Variants in MLLT10 observed in about 807,000 individuals in gnomAD.
MLLT10 encodes MLLT10 histone lysine methyltransferase DOT1L cofactor.
A neutral mutation model predicts 129.1 loss-of-function variants in MLLT10; 30 were observed. The ratio of observed to expected loss-of-function variants is 0.23; its 90% CI spans 0.17 to 0.32. The LOEUF (loss-of-function observed/expected upper bound fraction) is 0.32, where lower values mean the gene tolerates loss of function less well. Ranked by LOEUF, MLLT10 falls within the 10% of genes least tolerant of loss-of-function variation. MLLT10 has a pLI of 1.00. For synonymous variants in MLLT10, 490 were observed against 446.4 expected (o/e 1.10, Z -1.23); for missense variants, 1,119 against 1,268.3 (o/e 0.88, Z 1.79).
chr10:21,634,056 A>G (rs917761558), intron 8 of MLLT10, among the ~76,000 whole-genome samples: 2 of 152,156 alleles, frequency 1.3e-5, no homozygotes, highest in African/African-American at 4.8e-5. Context: ...CCTGGCCAAT[A>G]TGGTGAAATC....
At chr10:21,541,605 C>T (rs954512812) in intron 3 of MLLT10, among the ~76,000 whole-genome samples, 1 of 152,130 alleles carries the variant, frequency 6.6e-6, no homozygotes, top group African/African-American at 2.4e-5. Context: ...AGGCTGGTCT[C>T]GATCTCCTGA....
intron 22 of MLLT10, among the ~76,000 whole-genome samples, chr10:21,740,460 G>C (rs1191105405): frequency 2.0e-5 from 3 of 152,128 alleles, no homozygotes; most frequent in Non-Finnish European, 4.4e-5. Context: ...TTGTAATTCA[G>C]CAATTTTCAA....
rs201152630 is a variant in MLLT10, at chr10:21,673,912, T to C, written c.1614T>C (p.Val538=). The C allele has an allele frequency of 3.8e-6, 6 of 1,593,634 alleles. No homozygotes were observed. The highest frequency in any genetic ancestry group is 1.8e-5 in the Admixed American group (1 of 56,406). ...GCCTCAGTGTTGGCTCATCTCCAGT[T>C]GGTTCAGGTAGGGGTTTGCCTATTA... is the stretch of plus-strand genomic sequence containing the variant. ...LQSLSVGSSP[V]GSEISMQYRH... Residue 538 remains valine, a synonymous_variant, in exon 11 of 23, where the codon GTT becomes GTC. Transcript: ENST00000307729.
At chr10:21,643,086 G>A (rs977075264) in intron 8 of MLLT10, among the ~76,000 whole-genome samples, 1 of 151,850 alleles carries the variant, frequency 6.6e-6, no homozygotes, top group African/African-American at 2.4e-5. Flanking sequence ...AGGCTGGAGT[G>A]CAGTGGTGCA....
intron 3 of MLLT10, among the ~76,000 whole-genome samples, chr10:21,561,890 C>G (rs750793819): frequency 1.3e-5 from 2 of 151,994 alleles, no homozygotes; most frequent in African/African-American, 2.4e-5. Flanking sequence ...ACTGCAACCT[C>G]TGCCTCCTGG....
In MLLT10 at chr10:21,534,652, C is replaced by G; in HGVS notation, c.8C>G (p.Ser3Cys). MV[S>C]SDRPVSLEDE... ...CCCCCAACTCCCTCTTAGATGGTCTCTAGCGACCGGCCCGTGTCACTGGAG... is the reference window on the plus strand; with the variant it reads ...CCCCCAACTCCCTCTTAGATGGTCTGTAGCGACCGGCCCGTGTCACTGGAG... The change falls in exon 2 of 23, where the codon TCT becomes TGT. Residue 3 changes from serine to cysteine, a missense_variant. Coordinates refer to ENST00000307729, the MANE Select transcript of MLLT10 (RefSeq NM_001195626.3). 1 of 1,608,180 alleles carries G rather than the reference C, an allele frequency of 6.2e-7. No individual in the cohort carries two copies. Among genetic ancestry groups the G allele is most frequent in the Non-Finnish European group, 8.5e-7 (1 of 1,176,928 alleles).
chr10:21,649,185 C>G (rs895717025), intron 8 of MLLT10, among the ~76,000 whole-genome samples: 10 of 152,194 alleles, frequency 6.6e-5, no homozygotes, highest in Non-Finnish European at 1.5e-4. Context: ...AAGCAATCCT[C>G]CCGCCTTGGC....
intron 9 of MLLT10, among the ~76,000 whole-genome samples, chr10:21,662,014 T>G (rs2050260613): frequency 6.6e-6 from 1 of 152,162 alleles, no homozygotes; most frequent in Admixed American, 6.5e-5. Flanking sequence ...TCTTGTCTTT[T>G]TTTTCACCCT....
At chr10:21,589,761 T>C (rs2042322185) in intron 4 of MLLT10, among the ~76,000 whole-genome samples, 1 of 152,142 alleles carries the variant, frequency 6.6e-6, no homozygotes, top group African/African-American at 2.4e-5. Flanking sequence ...AATGAAACAG[T>C]TTGTGTAAAT....
chr10:21,663,199 C>T (rs142154493), intron 9 of MLLT10, among the ~76,000 whole-genome samples: 3 of 152,064 alleles, frequency 2.0e-5, no homozygotes, highest in Admixed American at 6.6e-5. Flanking sequence ...GTGTGAGGGT[C>T]CCCCAAGACC....
chr10:21,593,360 C>G (rs917686227), intron 4 of MLLT10, among the ~76,000 whole-genome samples: 3 of 152,016 alleles, frequency 2.0e-5, no homozygotes, highest in African/African-American at 7.3e-5. Flanking sequence ...AAGTGCTGGG[C>G]TTACGGGTGT....
intron 8 of MLLT10, among the ~76,000 whole-genome samples, chr10:21,642,033 A>G (rs1478145267): frequency 2.0e-5 from 3 of 152,210 alleles, no homozygotes; most frequent in Non-Finnish European, 4.4e-5. Flanking sequence ...AATACCTCTT[A>G]AGAATGAGGA....
In MLLT10 at chr10:21,734,302, GATTAAA is replaced by G. The variant is rs532696715; in HGVS notation, c.2858+179_2858+184del. Among the ~76,000 whole-genome samples the G allele has an allele frequency of 8.2e-4, 125 of 152,188 alleles. 1 individual carries two copies. The highest frequency in any genetic ancestry group is 2.9e-3 in the African/African-American group (121 of 41,526). Reference sequence around the variant, plus strand: ...TTATTTTTGAAACTTAAGTAATTTAGATTAAAATTAAGTTACTTTTAGTAACAGCAT... The same window carrying G: ...TTATTTTTGAAACTTAAGTAATTTAGATTAAGTTACTTTTAGTAACAGCAT... On this transcript the variant is annotated intron_variant, in intron 20 of 22. Transcript: ENST00000307729.
At chr10:21,534,550 C>T (rs1588719755) in intron 1 of MLLT10, 30 bp downstream of exon 1, 5 of 978,010 alleles carry the variant, frequency 5.1e-6, no homozygotes, top group Admixed American at 9.5e-5. Context: ...CCGGGCCGGG[C>T]GGGGGGCGCC....
At chr10:21,660,053 C>T (rs781479767) in intron 9 of MLLT10, among the ~76,000 whole-genome samples, 98 of 152,136 alleles carry the variant, frequency 6.4e-4, no homozygotes, top group Middle Eastern at 3.4e-3. Context: ...CAGCCTTGAC[C>T]TCCCAGGCTC....
At chr10:21,599,323 C>T (rs1275595897) in intron 5 of MLLT10, among the ~76,000 whole-genome samples, 1 of 152,122 alleles carries the variant, frequency 6.6e-6, no homozygotes, top group African/African-American at 2.4e-5. Context: ...GCCTGGGCGA[C>T]AGAATGAGAC....
intron 14 of MLLT10, among the ~76,000 whole-genome samples, chr10:21,725,899 C>T (rs112420204): frequency 0.068 from 10,339 of 151,500 alleles, 1,171 homozygotes; most frequent in African/African-American, 0.23. Flanking sequence ...TACAGGCGCC[C>T]GCCACCATGC....
chr10:21,735,053 A>G lies in MLLT10; in HGVS notation c.2859-86A>G, dbSNP rs186341198. The G allele has an allele frequency of 4.1e-4, 384 of 935,058 alleles. 2 individuals carry two copies. In the East Asian group the frequency reaches 6.3e-3, roughly 15 times the overall value. The allele number at this position is 935,058 out of a possible 1,614,324, so 57.9% of individuals were successfully genotyped here. Reference sequence around the variant, plus strand: ...ATTGTACTTAAGTTATTAAACATCAAATTGAAAAGTTGTCTTTCATTTTTA... The same window carrying G: ...ATTGTACTTAAGTTATTAAACATCAGATTGAAAAGTTGTCTTTCATTTTTA... On this transcript the variant is annotated intron_variant, in intron 20 of 22. Coordinates refer to ENST00000307729, the MANE Select transcript of MLLT10 (RefSeq NM_001195626.3).
chr10:21,668,489 G>A (rs1040371128), intron 9 of MLLT10, among the ~76,000 whole-genome samples: 2 of 152,070 alleles, frequency 1.3e-5, no homozygotes, highest in African/African-American at 4.8e-5. Context: ...GTGTCATTAT[G>A]TGTAATTTAA....
Sources: gnomAD v4.1 joint callset for allele counts (sites outside exome capture counted in the v4.1 genomes callset) on GRCh38, gnomAD v4.1.1 for gene constraint, MANE v1.5 for transcripts, NCBI Gene and HGNC (gene_info 2026-07-23, HGNC 2026-07-21) for gene names.